The following MTSS1 variants were observed in gnomAD, a reference collection of about 807,000 sequenced individuals.
The protein encoded by MTSS1 is protein MTSS 1.
A neutral mutation model predicts 79.0 loss-of-function variants in MTSS1; 18 were observed. The ratio of observed to expected loss-of-function variants is 0.23; its 90% confidence interval spans 0.16 to 0.34. The LOEUF (loss-of-function observed/expected upper bound fraction) is 0.34. MTSS1 is among the 10% of genes least tolerant of loss of function. The pLI, the probability that MTSS1 is intolerant of heterozygous loss-of-function variation, is 1.00. For missense variants in MTSS1, 815 were observed against 986.2 expected (o/e 0.83, Z 2.33); for synonymous variants, 341 against 368.6 (o/e 0.93, Z 0.86).
At chr8:124,720,668 A>G (rs1368516498) in intron 1 of MTSS1, among the ~76,000 whole-genome samples, 1 of 152,156 alleles carries the variant, frequency 6.6e-6, no homozygotes, top group Non-Finnish European at 1.5e-5. Flanking sequence ...CAACTTCTCC[A>G]TTTCCTGCAA....
At chr8:124,573,521 T>C (rs1487586352) in intron 6 of MTSS1, among the ~76,000 whole-genome samples, 2 of 152,268 alleles carry the variant, frequency 1.3e-5, no homozygotes, top group East Asian at 1.9e-4. Flanking sequence ...TGCTCAGTAC[T>C]GTATCTCCTC....
rs192651579 is a variant in MTSS1 at position 124,622,409 on chromosome 8, G to A, written c.209-31174C>T. On this transcript the variant is annotated intron_variant, in intron 3 of 13. Coordinates refer to ENST00000518547, the MANE Select transcript of MTSS1 (RefSeq NM_014751.6). The stretch of plus-strand genomic sequence containing the variant: ...CGCCCAGAGACCTAATGTGCATGAG[G>A]ACTCCTAGTCAACAACATTGAATTA... Among the ~76,000 whole-genome samples the A allele has an allele frequency of 1.7e-4, 26 of 149,648 alleles. No individual in the cohort carries two copies. The East Asian group carries it at 4.3e-3, about 25-fold the overall frequency.
At position 124,728,132 on chromosome 8, in the gene MTSS1, A is replaced by G. The variant is rs974475748; in HGVS notation, c.-177T>C. ...CCGACTGTTCTCTGCCCAAAATAAT[A>G]ACAGTAATTTAAAAAGCCAAACCGC... On this transcript the variant is annotated 5_prime_UTR_variant, in exon 1 of 14. Transcript: ENST00000518547. The surrounding 1 kb of genome is among the most constrained non-coding windows in gnomAD (Gnocchi z 6.1). 1.9e-6 allele frequency: 1 copy of G among 534,632 alleles called. No individual in the cohort carries two copies. Among genetic ancestry groups the G allele is most frequent in the East Asian group, 3.4e-5 (1 of 29,426 alleles). 33.1% of individuals were successfully genotyped at this position (534,632 alleles called of 1,614,324 possible). A position where few individuals can be genotyped will look rare whatever the true frequency, so the allele number is the denominator to read the frequency against.
intron 3 of MTSS1, among the ~76,000 whole-genome samples, chr8:124,631,366 C>A (rs1391632277): frequency 6.6e-6 from 1 of 152,176 alleles, no homozygotes; most frequent in Admixed American, 6.5e-5. Context: ...AAGACATGAG[C>A]CCTTCTGGAC....
intron 1 of MTSS1, among the ~76,000 whole-genome samples, chr8:124,723,422 T>C (rs1833232739): frequency 6.6e-6 from 1 of 152,162 alleles, no homozygotes; most frequent in Admixed American, 6.5e-5. Context: ...CATTACAAAC[T>C]GCGGAATTTC....
chr8:124,598,209 C>T lies in MTSS1; in HGVS notation c.209-6974G>A, dbSNP rs562258565. On this transcript the variant is annotated intron_variant, in intron 3 of 13. Coordinates refer to ENST00000518547, the MANE Select transcript of MTSS1 (RefSeq NM_014751.6). ...ACTCAGGAGGCTGAGGTGAGAGGAT[C>T]GCTTGAACTCAGGAGCTCAAGGCTA... Among the ~76,000 whole-genome samples, 47 of 152,260 alleles carry T rather than the reference C, an allele frequency of 3.1e-4. No homozygotes were observed. In the South Asian group the frequency reaches 6.8e-3, roughly 22 times the overall value.
intron 3 of MTSS1, among the ~76,000 whole-genome samples, chr8:124,666,458 C>T (rs1175702826): frequency 6.6e-6 from 1 of 152,010 alleles, no homozygotes; most frequent in African/African-American, 2.4e-5. Context: ...AACACAGGAA[C>T]AAAGACAAAG....
chr8:124,568,402 T>A lies in MTSS1; in HGVS notation c.595A>T (p.Ile199Phe), dbSNP rs780786828. 6.2e-7 allele frequency: 1 copy of A among 1,614,040 alleles called. No homozygotes were observed. Among genetic ancestry groups the A allele is most frequent in the Admixed American group, 1.7e-5 (1 of 60,018 alleles). Residue 199 changes from isoleucine to phenylalanine, a missense_variant, in exon 7 of 14, where the codon ATC (isoleucine) becomes TTC (phenylalanine). By Grantham distance (21) the Ile-to-Phe change is conservative (BLOSUM62 0). This residue lies in a region of MTSS1 where 225 missense variants were observed against 365.4 expected (regional missense o/e 0.62). Transcript: ENST00000518547. ...IEERGRFCTF[I>F]SMLRPVIEEE... ...ACAATCACTGGCCGCAGCATAGAGA[T>A]GAAGGTACAGAATCGGCCACGTTCT...
At chr8:124,611,115 C>CT (rs947725502) in intron 3 of MTSS1, among the ~76,000 whole-genome samples, 2 of 149,378 alleles carry the variant, frequency 1.3e-5, no homozygotes, top group African/African-American at 2.5e-5. Flanking sequence ...GACCCCCCCC[C>CT]CCCAGCATGT....
intron 6 of MTSS1, among the ~76,000 whole-genome samples, chr8:124,571,398 C>T (rs553237877): frequency 6.6e-6 from 1 of 152,328 alleles, no homozygotes; most frequent in East Asian, 1.9e-4. Flanking sequence ...GCTGTAAACC[C>T]TTGCTTTTCC....
chr8:124,720,210 G>A (rs889900847), intron 1 of MTSS1, among the ~76,000 whole-genome samples: 93 of 152,352 alleles, frequency 6.1e-4, no homozygotes, highest in African/African-American at 2.0e-3. Context: ...CACAGGCTGT[G>A]TCAAGGAAGC....
At chr8:124,585,599 G>C (rs564548739) in intron 5 of MTSS1, among the ~76,000 whole-genome samples, 3 of 152,202 alleles carry the variant, frequency 2.0e-5, no homozygotes, top group East Asian at 3.9e-4. Flanking sequence ...ACTTTTAGTA[G>C]AGATGGGGTT....
At chr8:124,561,772 A>G (rs1825385107) in intron 10 of MTSS1, among the ~76,000 whole-genome samples, 1 of 152,126 alleles carries the variant, frequency 6.6e-6, no homozygotes, top group African/African-American at 2.4e-5. Context: ...GGTTTAGTGA[A>G]GCACACAGCG....
chr8:124,653,678 C>T (rs148520599), intron 3 of MTSS1, among the ~76,000 whole-genome samples: 1,949 of 152,314 alleles, frequency 0.013, 37 homozygotes, highest in African/African-American at 0.044. Context: ...GAGCCGAGAT[C>T]GCGCCAGTGC....
chr8:124,674,607 G>A (rs1824941239), intron 3 of MTSS1, among the ~76,000 whole-genome samples: 2 of 151,636 alleles, frequency 1.3e-5, no homozygotes, highest in African/African-American at 2.4e-5. Context: ...GCCTCCCAAA[G>A]TGCTGGAATT....
chr8:124,600,386 G>A (rs559999324), intron 3 of MTSS1, among the ~76,000 whole-genome samples: 1 of 152,176 alleles, frequency 6.6e-6, no homozygotes, highest in Non-Finnish European at 1.5e-5. Context: ...AACAGTATGT[G>A]CAACTGGCAT....
rs1834004796 is a variant in MTSS1, at chr8:124,728,097, G to T, written c.-142C>A. 1.6e-6 allele frequency: 1 copy of T among 641,874 alleles called. No homozygotes were observed. Among genetic ancestry groups the T allele is most frequent in the African/African-American group, 1.9e-5 (1 of 52,444 alleles). 39.8% of individuals were successfully genotyped at this position (641,874 alleles called of 1,614,324 possible). ...CAGCCTCTTCTGCAGCGAGGACGGG[G>T]TGCACCAGACCGACTGTTCTCTGCC... On this transcript the variant is annotated 5_prime_UTR_variant, in exon 1 of 14. Transcript: ENST00000518547. This position sits in a 1 kb window ranked among gnomAD's most constrained non-coding sequence, Gnocchi z 6.1.
chr8:124,631,039 G>T (rs946161685), intron 3 of MTSS1, among the ~76,000 whole-genome samples: 1 of 152,204 alleles, frequency 6.6e-6, no homozygotes, highest in Non-Finnish European at 1.5e-5. Context: ...AGAAACATGT[G>T]TATAAGAAAG....
At chr8:124,657,426 A>G (rs1821158485) in intron 3 of MTSS1, among the ~76,000 whole-genome samples, 1 of 151,752 alleles carries the variant, frequency 6.6e-6, no homozygotes, top group African/African-American at 2.4e-5. Flanking sequence ...ATGGAATGGA[A>G]AGTTTTTTCC....
Sources: gnomAD v4.1 joint callset for allele counts (sites outside exome capture counted in the v4.1 genomes callset) on GRCh38, gnomAD v4.1.1 for gene constraint, gnomAD v4.1.1 regional missense constraint, Gnocchi (gnomAD v3.1) non-coding constraint, MANE v1.5 for transcripts, NCBI Gene and HGNC (gene_info 2026-07-23, HGNC 2026-07-21) for gene names.